GFRA2: variants seen among roughly 807,000 people sequenced by gnomAD.
GFRA2 encodes the protein GDNF family receptor alpha 2.
GFRA2 carries 17 observed loss-of-function variants against 48.3 expected under a neutral mutation model. The observed-to-expected ratio is 0.35, with a 90% confidence interval of 0.24 to 0.53. The LOEUF (loss-of-function observed/expected upper bound fraction) is 0.53, where lower values mean the gene tolerates loss of function less well. Ranked by LOEUF, GFRA2 falls within the 20% of genes least tolerant of loss-of-function variation. GFRA2 has a pLI of 0.93. For missense variants in GFRA2, 660 were observed against 637.3 expected (o/e 1.04, Z -0.38); for synonymous variants, 305 against 257.2 (o/e 1.19, Z -1.78).
intron 2 of GFRA2, among the ~76,000 whole-genome samples, chr8:21,799,421 G>A (rs1039535652): frequency 6.6e-6 from 1 of 152,140 alleles, no homozygotes; most frequent in South Asian, 2.1e-4. Context: ...GGTTTCACAT[G>A]TTAGCCAGGT....
intron 4 of GFRA2, among the ~76,000 whole-genome samples, chr8:21,708,036 T>C (rs114273961): frequency 0.011 from 1,657 of 152,122 alleles, 21 homozygotes; most frequent in African/African-American, 0.037. Context: ...AGTCACTGAG[T>C]AGCAGAGCCA....
At chr8:21,753,235 C>T (rs1027255495) in intron 3 of GFRA2, among the ~76,000 whole-genome samples, 1 of 152,210 alleles carries the variant, frequency 6.6e-6, no homozygotes, top group Non-Finnish European at 1.5e-5. Context: ...GGCTGCTGAA[C>T]CTGAAATGTG....
chr8:21,744,550 A>AACACACACACACACAC (rs71721911), intron 4 of GFRA2, among the ~76,000 whole-genome samples: 2,088 of 140,156 alleles, frequency 0.015, 62 homozygotes, highest in African/African-American at 0.054. Context: ...AACCACCACC[A>AACACACACACACACAC]ACACACACAC....
chr8:21,811,632 G>A (rs764414608), intron 1 of GFRA2, among the ~76,000 whole-genome samples: 6 of 151,896 alleles, frequency 4.0e-5, no homozygotes, highest in Admixed American at 6.6e-5. Flanking sequence ...CAAAGTCCAG[G>A]GACCCTGGCC....
intron 3 of GFRA2, among the ~76,000 whole-genome samples, chr8:21,773,010 G>A (rs1806511360): frequency 6.6e-6 from 1 of 152,190 alleles, no homozygotes; most frequent in African/African-American, 2.4e-5. Flanking sequence ...GCATCTGGCG[G>A]CCACCAGGGT....
At chr8:21,716,648 T>A (rs1803350810) in intron 4 of GFRA2, among the ~76,000 whole-genome samples, 1 of 152,334 alleles carries the variant, frequency 6.6e-6, no homozygotes, top group Non-Finnish European at 1.5e-5. Context: ...TAAAGGGGAC[T>A]TATCATGCCA....
chr8:21,765,160 G>A (rs1471350855), intron 3 of GFRA2, among the ~76,000 whole-genome samples: 3 of 151,684 alleles, frequency 2.0e-5, no homozygotes, highest in African/African-American at 7.3e-5. Flanking sequence ...CACCCACACT[G>A]GAGTGCAGTG....
At chr8:21,722,003 A>T (rs1803623294) in intron 4 of GFRA2, among the ~76,000 whole-genome samples, 2 of 152,210 alleles carry the variant, frequency 1.3e-5, no homozygotes, top group Admixed American at 1.3e-4. Context: ...CTTTCTCATT[A>T]TATAGACTAA....
intron 4 of GFRA2, among the ~76,000 whole-genome samples, chr8:21,724,452 T>G (rs1289010501): frequency 6.6e-6 from 1 of 152,154 alleles, no homozygotes; most frequent in Non-Finnish European, 1.5e-5. Flanking sequence ...ACCAGTGGCA[T>G]AGCTAATAGG....
chr8:21,727,653 C>T (rs972950264), intron 4 of GFRA2, among the ~76,000 whole-genome samples: 4 of 152,126 alleles, frequency 2.6e-5, no homozygotes, highest in Admixed American at 6.5e-5. Context: ...GGCCACAGTC[C>T]GCCAAAACAG....
rs556674756 is a variant in GFRA2, at chr8:21,751,159, G to A, written c.440-217C>T. Among the ~76,000 whole-genome samples the A allele has an allele frequency of 2.2e-4, 34 of 152,272 alleles. 1 individual carries two copies. The South Asian group carries it at 5.0e-3, about 22-fold the overall frequency. ...GAGTTAATATACAGGTTGAGGGAGC[G>A]CTTAGGAAGCAGCTGGTGCAGGGTG... On this transcript the variant is annotated intron_variant, in intron 3 of 8. Transcript: ENST00000524240.
chr8:21,787,960 T>C (rs1006502825), intron 1 of GFRA2, among the ~76,000 whole-genome samples, 160 bp downstream of exon 1: 2 of 151,730 alleles, frequency 1.3e-5, no homozygotes, highest in Non-Finnish European at 1.5e-5. Context: ...TCCGCGTCCC[T>C]GCCGCCCGGC....
chr8:21,731,850 C>T (rs563467842), intron 4 of GFRA2, among the ~76,000 whole-genome samples: 36 of 152,322 alleles, frequency 2.4e-4, no homozygotes, highest in African/African-American at 8.2e-4. Context: ...CAGTATCTGG[C>T]GCTCATTAAC....
rs188823121 is a variant in GFRA2, at chr8:21,753,178, G to A, written c.440-2236C>T. Among the ~76,000 whole-genome samples the A allele has an allele frequency of 2.6e-4, 39 of 152,300 alleles. No individual in the cohort carries two copies. In the East Asian group the frequency reaches 4.8e-3, roughly 19 times the overall value. On this transcript the variant is annotated intron_variant, in intron 3 of 8. Transcript: ENST00000524240. ...ATATGTGTGCTGTCTGATTTGCTGT[G>A]ACAGAACAATTTGTGCTTTCTGAAA...
intron 3 of GFRA2, among the ~76,000 whole-genome samples, chr8:21,756,622 G>A (rs1447928790): frequency 1.3e-5 from 2 of 152,212 alleles, no homozygotes; most frequent in African/African-American, 2.4e-5. Flanking sequence ...TGTCAGGAAG[G>A]TGAGTTCCCA....
intron 3 of GFRA2, among the ~76,000 whole-genome samples, chr8:21,761,216 C>G (rs753763611): frequency 2.0e-5 from 3 of 152,158 alleles, no homozygotes; most frequent in Non-Finnish European, 2.9e-5. Context: ...GCATCCAACC[C>G]CAGCCCGCCC....
intron 4 of GFRA2, among the ~76,000 whole-genome samples, chr8:21,727,695 G>A (rs561154680): frequency 3.3e-5 from 5 of 152,264 alleles, no homozygotes; most frequent in East Asian, 1.9e-4. Context: ...TCGTCTGCCC[G>A]CAGACGGCAG....
chr8:21,759,557 G>A (rs1247555460), intron 3 of GFRA2, among the ~76,000 whole-genome samples: 2 of 148,914 alleles, frequency 1.3e-5, no homozygotes, highest in African/African-American at 5.0e-5. Flanking sequence ...AAGGAAGGAA[G>A]GAAAGAAATT....
chr8:21,722,552 T>C (rs1467050972), intron 4 of GFRA2, among the ~76,000 whole-genome samples: 3 of 152,184 alleles, frequency 2.0e-5, no homozygotes, highest in African/African-American at 7.2e-5. Context: ...GTGCACAGAA[T>C]ACAGCATCCA....
Sources: allele counts gnomAD v4.1 joint callset (sites outside exome capture counted in the v4.1 genomes callset), GRCh38; gene constraint gnomAD v4.1.1; transcripts MANE v1.5; gene names NCBI Gene and HGNC (gene_info 2026-07-23, HGNC 2026-07-21).